The following EPHB1 variants were observed in gnomAD, a reference collection of about 807,000 sequenced individuals.
The protein encoded by EPHB1 is EPH receptor B1.
A neutral mutation model predicts 94.4 loss-of-function variants in EPHB1; 30 were observed. That is an observed-to-expected ratio of 0.32 (90% confidence interval 0.24 to 0.43). The LOEUF (loss-of-function observed/expected upper bound fraction) is 0.43, where lower values mean the gene tolerates loss of function less well. Ranked by LOEUF, EPHB1 falls within the 20% of genes least tolerant of loss-of-function variation. The probability of loss-of-function intolerance (pLI) is 1.00; values close to 1 mark genes in which losing one functional copy is unlikely to be tolerated. For missense variants in EPHB1, 1,055 were observed against 1,308.3 expected (o/e 0.81, Z 2.99); for synonymous variants, 522 against 489.1 (o/e 1.07, Z -0.89).
chr3:135,187,588 G>A (rs1242252164), intron 10 of EPHB1, among the ~76,000 whole-genome samples: 1 of 152,120 alleles, frequency 6.6e-6, no homozygotes, highest in East Asian at 1.9e-4. Flanking sequence ...GTGACACAGG[G>A]TCTTGATTTC....
At chr3:134,857,943 T>G (rs985333796) in intron 1 of EPHB1, among the ~76,000 whole-genome samples, 4 of 152,258 alleles carry the variant, frequency 2.6e-5, no homozygotes, top group Non-Finnish European at 2.9e-5. Flanking sequence ...TCTTTGTGAA[T>G]GTTGTTAGCA....
At chr3:135,063,633 A>C (rs951901743) in intron 3 of EPHB1, among the ~76,000 whole-genome samples, 2 of 152,270 alleles carry the variant, frequency 1.3e-5, no homozygotes, top group Admixed American at 1.3e-4. Flanking sequence ...TATCATCAGC[A>C]AACAGTGACA....
chr3:135,179,504 C>A (rs1262483612), intron 9 of EPHB1, among the ~76,000 whole-genome samples: 1 of 152,226 alleles, frequency 6.6e-6, no homozygotes, highest in Non-Finnish European at 1.5e-5. Flanking sequence ...TTTACCACCA[C>A]TTTTCTGCTA....
At chr3:135,203,776 C>A (rs1404578906) in intron 12 of EPHB1, among the ~76,000 whole-genome samples, 1 of 152,094 alleles carries the variant, frequency 6.6e-6, no homozygotes, top group African/African-American at 2.4e-5. Flanking sequence ...TCATATTATG[C>A]CTATTCCTCT....
At chr3:134,882,807 T>TTTCTTTCTTTCC (rs2037780529) in intron 1 of EPHB1, among the ~76,000 whole-genome samples, 1 of 77,426 alleles carries the variant, frequency 1.3e-5, no homozygotes, top group Non-Finnish European at 2.9e-5. Context: ...TCTTTCTTTC[T>TTTCTTTCTTTCC]TTCTTTCTTT....
chr3:134,829,390 C>A (rs1468236648), intron 1 of EPHB1, among the ~76,000 whole-genome samples: 1 of 152,114 alleles, frequency 6.6e-6, no homozygotes, highest in Admixed American at 6.5e-5. Flanking sequence ...CCGTGAGGAC[C>A]TATCAGGAGA....
intron 3 of EPHB1, among the ~76,000 whole-genome samples, chr3:135,078,389 C>T (rs1938024784): frequency 6.6e-6 from 1 of 152,188 alleles, no homozygotes; most frequent in South Asian, 2.1e-4. Context: ...CACCCCAAGC[C>T]CAAACCCCAG....
chr3:134,868,864 T>G (rs1442255427), intron 1 of EPHB1, among the ~76,000 whole-genome samples: 1 of 152,248 alleles, frequency 6.6e-6, no homozygotes, highest in Non-Finnish European at 1.5e-5. Context: ...ATCCATGCAG[T>G]GGGCCTTGCT....
intron 15 of EPHB1, 144 bp downstream of exon 15, chr3:135,249,635 T>G (rs561373074): frequency 1.1e-6 from 1 of 899,112 alleles, no homozygotes; most frequent in Non-Finnish European, 1.6e-6. Context: ...GGGAGCACCT[T>G]GGAAAGATGA....
At chr3:135,141,724 G>A (rs1286823521) in intron 5 of EPHB1, among the ~76,000 whole-genome samples, 4 of 152,154 alleles carry the variant, frequency 2.6e-5, no homozygotes, top group African/African-American at 7.2e-5. Flanking sequence ...TGAAGTTTGA[G>A]GCACAGACAG....
intron 3 of EPHB1, among the ~76,000 whole-genome samples, chr3:135,058,863 T>G (rs946052422): frequency 6.6e-6 from 1 of 152,212 alleles, no homozygotes; most frequent in African/African-American, 2.4e-5. Flanking sequence ...CTTATTACGG[T>G]GTACTTTTTA....
intron 1 of EPHB1, among the ~76,000 whole-genome samples, chr3:134,837,335 AT>A (rs1443944873): frequency 2.0e-5 from 3 of 152,336 alleles, no homozygotes; most frequent in Non-Finnish European, 4.4e-5. Context: ...ACAAGTTAAT[AT>A]TTTTTAAGTT....
chr3:134,954,242 C>A (rs1013623400), intron 3 of EPHB1, among the ~76,000 whole-genome samples: 1 of 152,186 alleles, frequency 6.6e-6, no homozygotes, highest in Non-Finnish European at 1.5e-5. Flanking sequence ...CTTAACTCTG[C>A]AGGTAACTGG....
intron 1 of EPHB1, among the ~76,000 whole-genome samples, chr3:134,885,948 A>G (rs1057005438): frequency 2.8e-4 from 42 of 152,338 alleles, no homozygotes; most frequent in Non-Finnish European, 4.9e-4. Flanking sequence ...AAGAACCCAG[A>G]CTGAGCAGTG....
chr3:135,219,066 C>T (rs904667219), intron 12 of EPHB1, among the ~76,000 whole-genome samples: 56 of 152,206 alleles, frequency 3.7e-4, no homozygotes, highest in African/African-American at 1.3e-3. Flanking sequence ...GTTGCCCTCC[C>T]ACAGAAAAGG....
intron 1 of EPHB1, among the ~76,000 whole-genome samples, chr3:134,838,503 T>A (rs974910849): frequency 6.6e-6 from 1 of 152,228 alleles, no homozygotes; most frequent in Non-Finnish European, 1.5e-5. Context: ...CAGTTTATAC[T>A]AAAATTTTAT....
chr3:135,183,026 T>TTTTCTTTTC (rs1553745483), intron 10 of EPHB1, among the ~76,000 whole-genome samples: 1,013 of 94,230 alleles, frequency 0.011, 4 homozygotes, highest in Middle Eastern at 0.031. Context: ...TTTTCTTTTC[T>TTTTCTTTTC]TTTCTTTCTT....
At chr3:134,955,071 C>CTTTTTTTTTTTTTT (rs1197013147) in intron 3 of EPHB1, among the ~76,000 whole-genome samples, 1 of 8,414 alleles carries the variant, frequency 1.2e-4, no homozygotes, top group African/African-American at 4.3e-4. Flanking sequence ...GACATCCTTT[C>CTTTTTTTTTTTTTT]TTTTTTTTTT....
chr3:134,984,874 G>A (rs1934540053), intron 3 of EPHB1, among the ~76,000 whole-genome samples: 2 of 152,300 alleles, frequency 1.3e-5, no homozygotes, highest in Admixed American at 1.3e-4. Flanking sequence ...GATGTGGCCT[G>A]AGGCAAAGGG....
Sources: gnomAD v4.1 joint callset for allele counts (sites outside exome capture counted in the v4.1 genomes callset) on GRCh38, gnomAD v4.1.1 for gene constraint, MANE v1.5 for transcripts, NCBI Gene and HGNC (gene_info 2026-07-23, HGNC 2026-07-21) for gene names.